GNA12: variants seen among roughly 807,000 people sequenced by gnomAD.
The protein encoded by GNA12 is G protein subunit alpha 12.
Under a neutral mutation model 26.0 loss-of-function variants are expected in GNA12, and 9 were observed. The ratio of observed to expected loss-of-function variants is 0.35; its 90% confidence interval spans 0.21 to 0.60. The LOEUF is 0.60. Among genes scored for constraint, GNA12 ranks in the 20% least tolerant of loss-of-function variants. The pLI is 0.78. For synonymous variants in GNA12, 264 were observed against 219.6 expected (o/e 1.20, Z -1.79); for missense variants, 405 against 525.8 (o/e 0.77, Z 2.25).
chr7:2,835,441 A>G (rs190809534), intron 1 of GNA12, among the ~76,000 whole-genome samples: 1 of 152,356 alleles, frequency 6.6e-6, no homozygotes, highest in Non-Finnish European at 1.5e-5. Flanking sequence ...GGCATGTACC[A>G]AGTCCTTCCA....
chr7:2,761,709 T>C (rs544504811), intron 2 of GNA12, among the ~76,000 whole-genome samples: 20 of 152,242 alleles, frequency 1.3e-4, no homozygotes, highest in Middle Eastern at 3.4e-3. Flanking sequence ...AATCCTTGAA[T>C]TTGCTTAAAA....
At chr7:2,741,841 G>T (rs1319713431) in intron 2 of GNA12, among the ~76,000 whole-genome samples, 1 of 150,612 alleles carries the variant, frequency 6.6e-6, no homozygotes, top group Non-Finnish European at 1.5e-5. Context: ...GCAAGGATAA[G>T]AGTATTCATC....
intron 1 of GNA12, among the ~76,000 whole-genome samples, chr7:2,829,529 T>C (rs753094962): frequency 1.7e-4 from 26 of 152,222 alleles, no homozygotes; most frequent in Non-Finnish European, 2.8e-4. Flanking sequence ...TTCAATCTAT[T>C]ACTTCTGCCA....
At chr7:2,733,005 C>T (rs143284627) in intron 3 of GNA12, among the ~76,000 whole-genome samples, 455 of 152,270 alleles carry the variant, frequency 3.0e-3, no homozygotes, top group Non-Finnish European at 5.1e-3. Context: ...AGGAGCCATA[C>T]GGTACTGCGG....
intron 2 of GNA12, among the ~76,000 whole-genome samples, chr7:2,769,950 T>G (rs1791907007): frequency 6.6e-6 from 1 of 152,222 alleles, no homozygotes; most frequent in Non-Finnish European, 1.5e-5. Context: ...TTTGTTTTTT[T>G]AAATCATGGG....
At chr7:2,741,822 G>A (rs1382210016) in intron 2 of GNA12, among the ~76,000 whole-genome samples, 1 of 150,638 alleles carries the variant, frequency 6.6e-6, no homozygotes, top group African/African-American at 2.4e-5. Context: ...GCTGCTTCAG[G>A]AGAACGCCGC....
chr7:2,814,564 T>C (rs912051327), intron 1 of GNA12, among the ~76,000 whole-genome samples: 4 of 151,844 alleles, frequency 2.6e-5, no homozygotes, highest in Admixed American at 2.0e-4. Flanking sequence ...GCCTTCTCAG[T>C]GCGGCCTTAC....
chr7:2,797,579 C>T (rs1473878631), intron 1 of GNA12, among the ~76,000 whole-genome samples: 1 of 152,080 alleles, frequency 6.6e-6, no homozygotes, highest in Non-Finnish European at 1.5e-5. Context: ...TTCTGACACC[C>T]AGGGCAGAGC....
At chr7:2,803,161 G>C (rs1265696141) in intron 1 of GNA12, among the ~76,000 whole-genome samples, 1 of 152,232 alleles carries the variant, frequency 6.6e-6, no homozygotes, top group Non-Finnish European at 1.5e-5. Flanking sequence ...AAGCGTAGCA[G>C]CAAGACAGAG....
chr7:2,763,086 T>A, intron 2 of GNA12: 1 of 1,249,914 alleles, frequency 8.0e-7, no homozygotes, highest in Non-Finnish European at 1.0e-6. Context: ...CAGCCTTGAG[T>A]GAGAGACCAC....
chr7:2,746,493 A>T (rs1790770019), intron 2 of GNA12, among the ~76,000 whole-genome samples: 1 of 152,232 alleles, frequency 6.6e-6, no homozygotes, highest in African/African-American at 2.4e-5. Context: ...ACAACATACC[A>T]GAATCTCTGG....
intron 2 of GNA12, chr7:2,764,965 G>A (rs1791743566): frequency 6.6e-6 from 1 of 152,120 alleles, no homozygotes; most frequent in Non-Finnish European, 1.5e-5. Flanking sequence ...TTTGTACGGT[G>A]GAAAAGTAAT....
chr7:2,762,289 G>A (rs949647426), intron 2 of GNA12: 6 of 255,264 alleles, frequency 2.4e-5, no homozygotes, highest in Non-Finnish European at 2.2e-5. Flanking sequence ...GCACATGGCG[G>A]GGCCGGCGTG....
chr7:2,736,599 C>T (rs934062244), intron 2 of GNA12, among the ~76,000 whole-genome samples: 6 of 152,186 alleles, frequency 3.9e-5, no homozygotes, highest in South Asian at 2.1e-4. Context: ...TGGGCACAGC[C>T]GGGCAGATGT....
chr7:2,830,115 A>T (rs927189802), intron 1 of GNA12, among the ~76,000 whole-genome samples: 2 of 151,574 alleles, frequency 1.3e-5, no homozygotes, highest in Admixed American at 1.3e-4. Context: ...TCTATTCCCG[A>T]CTCTGGGTCT....
intron 2 of GNA12, among the ~76,000 whole-genome samples, chr7:2,768,954 C>T (rs1419901526): frequency 6.6e-6 from 1 of 152,196 alleles, no homozygotes; most frequent in African/African-American, 2.4e-5. Context: ...GAGATGGAGT[C>T]TCGCTCCGTT....
rs146097340 is a variant in GNA12 at position 2,791,502 on chromosome 7, ATC to A, written c.525+3424_525+3425del. On this transcript the variant is annotated intron_variant, in intron 2 of 3. Coordinates refer to ENST00000275364, the MANE Select transcript of GNA12 (RefSeq NM_007353.3). ...CTTTTTTCCTCCTCTTTTTGTTTCTATCTCTGACTGGAATGGCAGGAAAAAGC... is the reference window on the plus strand; with the variant it reads ...CTTTTTTCCTCCTCTTTTTGTTTCTATCTGACTGGAATGGCAGGAAAAAGC... Among the ~76,000 whole-genome samples, 284 of 152,116 alleles carry A rather than the reference ATC, an allele frequency of 1.9e-3. 1 individual carries two copies. The highest frequency in any genetic ancestry group is 6.7e-3 in the African/African-American group (276 of 41,436).
chr7:2,773,180 C>T (rs544118190), intron 2 of GNA12, among the ~76,000 whole-genome samples: 10 of 152,324 alleles, frequency 6.6e-5, no homozygotes, highest in Admixed American at 2.0e-4. Context: ...TGGGTGGTGG[C>T]TGTGTGAGTA....
intron 2 of GNA12, chr7:2,762,674 T>C: frequency 6.3e-7 from 1 of 1,595,684 alleles, no homozygotes; most frequent in Non-Finnish European, 8.5e-7. Flanking sequence ...ATAAATCATT[T>C]GGAAAGAAAC....
Sources: allele counts gnomAD v4.1 joint callset (sites outside exome capture counted in the v4.1 genomes callset), GRCh38; gene constraint gnomAD v4.1.1; transcripts MANE v1.5; gene names NCBI Gene and HGNC (gene_info 2026-07-23, HGNC 2026-07-21).